The following ZNF292 variants were observed in gnomAD, a reference collection of about 807,000 sequenced individuals.
ZNF292 encodes 16 zinc-finger domain protein.
In ZNF292, 26 loss-of-function variants were observed where a neutral mutation model predicts 217.9. The observed-to-expected ratio is 0.12, with a 90% CI of 0.09 to 0.17. The LOEUF (loss-of-function observed/expected upper bound fraction) is 0.17, where lower values mean the gene tolerates loss of function less well. Ranked by LOEUF, ZNF292 falls within the 10% of genes least tolerant of loss-of-function variation. The pLI is 1.00. For synonymous variants in ZNF292, 1,257 were observed against 1,124.1 expected (o/e 1.12, Z -2.37); for missense variants, 2,904 against 3,175.2 (o/e 0.91, Z 2.05).
chr6:87,202,396 A>AT (rs1465720921), intron 1 of ZNF292, among the ~76,000 whole-genome samples: 1 of 152,150 alleles, frequency 6.6e-6, no homozygotes. Flanking sequence ...TATGGATCTT[A>AT]TATCTAACTA....
At chr6:87,245,424 A>G (rs941866804) in intron 6 of ZNF292, 79 bp from the exon 7 acceptor site, 44 of 1,093,982 alleles carry the variant, frequency 4.0e-5, no homozygotes, top group South Asian at 3.2e-4. Flanking sequence ...TTTTAATTTC[A>G]AATGTAATGA....
intron 1 of ZNF292, among the ~76,000 whole-genome samples, chr6:87,193,843 C>T (rs1771885865): frequency 6.6e-6 from 1 of 152,126 alleles, no homozygotes; most frequent in Non-Finnish European, 1.5e-5. Context: ...AATGTGTATG[C>T]AGATATTCCA....
chr6:87,204,992 T>C (rs1356382856), intron 1 of ZNF292, among the ~76,000 whole-genome samples: 1 of 152,198 alleles, frequency 6.6e-6, no homozygotes, highest in Non-Finnish European at 1.5e-5. Context: ...TAGTGAATTT[T>C]CCCACTCTTC....
chr6:87,183,499 A>G (rs1275697635), intron 1 of ZNF292, among the ~76,000 whole-genome samples: 4 of 152,258 alleles, frequency 2.6e-5, no homozygotes, highest in African/African-American at 9.6e-5. Flanking sequence ...AAATGTTGAA[A>G]TCCTCAATGA....
At chr6:87,160,994 CTT>C (rs1207847684) in intron 1 of ZNF292, among the ~76,000 whole-genome samples, 4 of 151,874 alleles carry the variant, frequency 2.6e-5, no homozygotes, top group South Asian at 2.1e-4. Flanking sequence ...TCCTTCTACT[CTT>C]TTCATATTGA....
At chr6:87,176,640 C>G (rs1473138988) in intron 1 of ZNF292, among the ~76,000 whole-genome samples, 1 of 152,200 alleles carries the variant, frequency 6.6e-6, no homozygotes, top group African/African-American at 2.4e-5. Flanking sequence ...TTTCACTCTT[C>G]ACTAGCAACA....
chr6:87,175,842 A>AC (rs1771270424), intron 1 of ZNF292, among the ~76,000 whole-genome samples: 2 of 152,200 alleles, frequency 1.3e-5, no homozygotes, highest in Admixed American at 6.5e-5. Context: ...GCAATATTGA[A>AC]CTGATGCCTG....
Position 87,181,433 on chromosome 6 carries a change from A to G in ZNF292, c.168+25674A>G, listed in dbSNP as rs114470308. Among the ~76,000 whole-genome samples, 728 of 152,122 alleles carry G rather than the reference A, an allele frequency of 4.8e-3. 3 individuals are homozygous for G. The highest frequency in any genetic ancestry group is 0.017 in the African/African-American group (697 of 41,504). ...GCCGCTCTCCACCGCTTCTCTTGACATTCAGCAGTTTGTGTGTGTGCCCAC... is the reference window on the plus strand; with the variant it reads ...GCCGCTCTCCACCGCTTCTCTTGACGTTCAGCAGTTTGTGTGTGTGCCCAC... On this transcript the variant is annotated intron_variant, in intron 1 of 7. Transcript: ENST00000369577.
Position 87,256,856 on chromosome 6 carries a change from C to G in ZNF292, c.3227C>G (p.Pro1076Arg), listed in dbSNP as rs369802260. Reference sequence around the variant, plus strand: ...TTAGAAAGTATTGCATTTGTTCCACCGCAGTCCGACCTAAGTAATTCATTA... The same window carrying G: ...TTAGAAAGTATTGCATTTGTTCCACGGCAGTCCGACCTAAGTAATTCATTA... ...KTLESIAFVPPQSDLSNSLGT... is the reference protein window; with the variant it reads ...KTLESIAFVPRQSDLSNSLGT... The change falls in exon 8 of 8, where the codon CCG becomes CGG. Residue 1076 changes from proline to arginine, a missense_variant. This residue lies in a region of ZNF292 where 687 missense variants were observed against 623.0 expected (regional missense o/e 1.10). Transcript: ENST00000369577. 6.2e-7 allele frequency: 1 copy of G among 1,613,716 alleles called. No individual in the cohort carries two copies. Among genetic ancestry groups the G allele is most frequent in the Non-Finnish European group, 8.5e-7 (1 of 1,179,778 alleles).
At chr6:87,249,774 A>G (rs914552807) in intron 7 of ZNF292, among the ~76,000 whole-genome samples, 5 of 152,006 alleles carry the variant, frequency 3.3e-5, no homozygotes, top group African/African-American at 4.8e-5. Flanking sequence ...CAGTAGTGCA[A>G]TCTCGGCTCA....
chr6:87,228,549 T>G (rs1773484329), intron 4 of ZNF292, among the ~76,000 whole-genome samples: 1 of 152,204 alleles, frequency 6.6e-6, no homozygotes, highest in South Asian at 2.1e-4. Flanking sequence ...TTCTACGAGT[T>G]CTGTAATTTT....
Position 87,261,343 on chromosome 6 carries a change from C to A in ZNF292, c.7714C>A (p.Gln2572Lys). The A allele has an allele frequency of 1.2e-6, 2 of 1,613,368 alleles. No individual in the cohort carries two copies. Among genetic ancestry groups the A allele is most frequent in the African/African-American group, 2.7e-5 (2 of 75,004 alleles). The change falls in exon 8 of 8, where the codon CAA becomes AAA. Residue 2572 changes from glutamine (Q) to lysine (K), a missense_variant. This residue lies in a region of ZNF292 where 380 missense variants were observed against 355.3 expected (regional missense o/e 1.07). Transcript: ENST00000369577. ...AGAAGAAGAAACTGCTGTTGCCATT[C>A]AAACCATTGAGGAGCATCCTGCATC... ...RKEEETAVAI[Q>K]TIEEHPASFD...
chr6:87,234,389 C>T (rs1269019035), intron 5 of ZNF292, among the ~76,000 whole-genome samples: 1 of 152,040 alleles, frequency 6.6e-6, no homozygotes, highest in Admixed American at 6.5e-5. Context: ...AAACTCCTCT[C>T]TCTACTAAAA....
At chr6:87,211,805 A>G (rs1322163571) in intron 1 of ZNF292, among the ~76,000 whole-genome samples, 1 of 152,190 alleles carries the variant, frequency 6.6e-6, no homozygotes, top group Admixed American at 6.5e-5. Context: ...GAAGACATTT[A>G]GGTTTTGTTC....
rs138663981 is a variant in ZNF292 at position 87,228,983 on chromosome 6, TA to T, written c.539-4340del. On this transcript the variant is annotated intron_variant, in intron 4 of 7. Coordinates refer to ENST00000369577, the MANE Select transcript of ZNF292 (RefSeq NM_015021.3). ...ATTGAGATTTTCATAGAGATTGTGTTAAGTCTATAGATTGCTTTGCCTAGTA... is the reference window on the plus strand; with the variant it reads ...ATTGAGATTTTCATAGAGATTGTGTTAGTCTATAGATTGCTTTGCCTAGTA... 6.9e-3 allele frequency among the ~76,000 whole-genome samples: 1,057 copies of T among 152,326 alleles called. 17 individuals carry two copies. The highest frequency in any genetic ancestry group is 0.023 in the African/African-American group (958 of 41,566).
intron 4 of ZNF292, among the ~76,000 whole-genome samples, chr6:87,225,004 C>T (rs1024053525): frequency 1.3e-5 from 2 of 152,116 alleles, no homozygotes; most frequent in Admixed American, 6.5e-5. Context: ...TCCTTTTGCC[C>T]CATACCCTTA....
chr6:87,203,916 G>C (rs1052679231), intron 1 of ZNF292, among the ~76,000 whole-genome samples: 3 of 152,130 alleles, frequency 2.0e-5, no homozygotes, highest in African/African-American at 7.2e-5. Flanking sequence ...GTTCCAGCAT[G>C]CCGAGTCAAA....
rs771699458 is a variant in ZNF292 at position 87,258,571 on chromosome 6, GTAACAAGTGACT to G, written c.4949_4960del (p.Ser1650_Thr1653del). On this transcript the variant is annotated inframe_deletion, in exon 8 of 8. Coordinates refer to ENST00000369577, the MANE Select transcript of ZNF292 (RefSeq NM_015021.3). ...TGCACCTAACGCTTCCCAAAACTTG[GTAACAAGTGACT>G]TAACAACAATGGGACTCATAGCAAA... The G allele has an allele frequency of 1.3e-5, 21 of 1,613,590 alleles. No individual in the cohort carries two copies. In the African/African-American group the frequency reaches 1.7e-4, roughly 13 times the overall value.
intron 5 of ZNF292, among the ~76,000 whole-genome samples, chr6:87,242,514 A>G (rs963777724): frequency 6.6e-6 from 1 of 152,154 alleles, no homozygotes; most frequent in Non-Finnish European, 1.5e-5. Context: ...CATTTTGCTT[A>G]CTCAATATTT....
Sources: allele counts gnomAD v4.1 joint callset (sites outside exome capture counted in the v4.1 genomes callset), GRCh38; gene constraint gnomAD v4.1.1; regional missense constraint gnomAD v4.1.1; transcripts MANE v1.5; gene names NCBI Gene and HGNC (gene_info 2026-07-23, HGNC 2026-07-21).